The following PCDHGA7 variants were observed in gnomAD, a reference collection of about 807,000 sequenced individuals.
PCDHGA7 encodes protocadherin gamma subfamily A, 7, also known as protocadherin gamma-A7.
Under a neutral mutation model 58.3 loss-of-function variants are expected in PCDHGA7, and 44 were observed. The ratio of observed to expected loss-of-function variants is 0.75; its 90% CI spans 0.59 to 0.97. PCDHGA7 has a LOEUF of 0.97. Among genes scored for constraint, PCDHGA7 ranks in the 50% least tolerant of loss-of-function variants. The pLI is 0.00. For synonymous variants in PCDHGA7, 516 were observed against 504.2 expected (o/e 1.02, Z -0.31); for missense variants, 1,266 against 1,188.7 (o/e 1.06, Z -0.96).
At position 141,493,188 on chromosome 5, in the gene PCDHGA7, C is replaced by T. The variant is rs1292810486; in HGVS notation, c.2425-1619C>T. Among the ~76,000 whole-genome samples the T allele has an allele frequency of 2.6e-5, 4 of 152,216 alleles. No individual in the cohort carries two copies. Among genetic ancestry groups the T allele is most frequent in the Non-Finnish European group, 4.4e-5 (3 of 68,046 alleles). ...ATTGAGAGAAACTTACTATATAACT[C>T]CTTTGAGAACCTCATCTCATTTGCT... On this transcript the variant is annotated intron_variant, in intron 1 of 3. Coordinates refer to ENST00000518325, the MANE Select transcript of PCDHGA7 (RefSeq NM_018920.4). The surrounding 1 kb of genome is among the most constrained non-coding windows in gnomAD (Gnocchi z 4.3).
chr5:141,431,225 C>A lies in PCDHGA7; in HGVS notation c.2424+45902C>A. On this transcript the variant is annotated intron_variant, in intron 1 of 3. Coordinates refer to ENST00000518325, the MANE Select transcript of PCDHGA7 (RefSeq NM_018920.4). The surrounding 1 kb of genome is among the most constrained non-coding windows in gnomAD (Gnocchi z 4.8). ...CACTGAGATGCGGTTCCCTCTACCC[C>A]ACGCCTGGGATCCGGATATCGGGAA... The A allele has an allele frequency of 1.2e-6, 2 of 1,614,118 alleles. No individual in the cohort carries two copies. The highest frequency in any genetic ancestry group is 1.7e-6 in the Non-Finnish European group (2 of 1,180,036).
At chr5:141,461,051 A>G (rs1238514064) in intron 1 of PCDHGA7, among the ~76,000 whole-genome samples, 1 of 151,734 alleles carries the variant, frequency 6.6e-6, no homozygotes, top group East Asian at 1.9e-4. Flanking sequence ...ATGGGGACTT[A>G]GGTTGGTTTC....
At chr5:141,450,549 C>T (rs1414500813) in intron 1 of PCDHGA7, among the ~76,000 whole-genome samples, 2 of 151,756 alleles carry the variant, frequency 1.3e-5, no homozygotes, top group Non-Finnish European at 2.9e-5. Context: ...TGCAGTGGCG[C>T]AGTCTCGGCT....
intron 1 of PCDHGA7, among the ~76,000 whole-genome samples, chr5:141,401,837 A>G (rs1302723544): frequency 6.6e-6 from 1 of 152,198 alleles, no homozygotes; most frequent in Non-Finnish European, 1.5e-5. Context: ...ATTTCTTATA[A>G]TACCACTTAC....
chr5:141,415,896 AC>A, intron 1 of PCDHGA7: 1 of 882,726 alleles, frequency 1.1e-6, no homozygotes, highest in East Asian at 3.3e-5. Flanking sequence ...AATTCCTAAG[AC>A]AGACTTCCAT....
At chr5:141,405,094 C>T (rs1289372327) in intron 1 of PCDHGA7, 4 of 1,613,840 alleles carry the variant, frequency 2.5e-6, no homozygotes, top group Non-Finnish European at 3.4e-6. Flanking sequence ...TGCTGGCCCT[C>T]AGGCTGAGGC....
rs888836155 is a variant in PCDHGA7, at chr5:141,512,011, A to C, written c.*838A>C. The C allele has an allele frequency of 1.3e-5, 2 of 152,946 alleles. No homozygotes were observed. The highest frequency in any genetic ancestry group is 6.5e-5 in the Admixed American group (1 of 15,300). The allele number at this position is 152,946 out of a possible 1,614,324, so 9.5% of individuals were successfully genotyped here. ...GGCATGGACAAAGCTTGACACATCA[A>C]GTTATCAAGGCCTTGGAGGAGGCTC... On this transcript the variant is annotated 3_prime_UTR_variant, in exon 4 of 4. Coordinates refer to ENST00000518325, the MANE Select transcript of PCDHGA7 (RefSeq NM_018920.4).
intron 1 of PCDHGA7, chr5:141,410,134 C>T: frequency 6.2e-7 from 1 of 1,612,766 alleles, no homozygotes; most frequent in East Asian, 2.2e-5. Flanking sequence ...GCCTGCTGGT[C>T]GCTGTGCGTG....
At chr5:141,457,736 T>G (rs1265562501) in intron 1 of PCDHGA7, among the ~76,000 whole-genome samples, 1 of 152,254 alleles carries the variant, frequency 6.6e-6, no homozygotes, top group African/African-American at 2.4e-5. Flanking sequence ...AGATTAGACT[T>G]TTAAAGCTGA....
At chr5:141,401,417 G>A (rs1404967672) in intron 1 of PCDHGA7, among the ~76,000 whole-genome samples, 1 of 152,136 alleles carries the variant, frequency 6.6e-6, no homozygotes, top group Non-Finnish European at 1.5e-5. Flanking sequence ...GAAAGAGAGA[G>A]ACTGATTCAC....
chr5:141,501,715 C>G lies in PCDHGA7; in HGVS notation c.2484-3678C>G, dbSNP rs139761188. On this transcript the variant is annotated intron_variant, in intron 2 of 3. Coordinates refer to ENST00000518325, the MANE Select transcript of PCDHGA7 (RefSeq NM_018920.4). ...AGGGTGATTCCGAGGATAAAAAAGA[C>G]AAATATATTACCCAGTCAGCTTAGA... 1.3e-3 allele frequency among the ~76,000 whole-genome samples: 192 copies of G among 152,192 alleles called. 1 individual carries two copies. The highest frequency in any genetic ancestry group is 4.5e-3 in the African/African-American group (185 of 41,512).
chr5:141,450,702 G>T (rs1466981422), intron 1 of PCDHGA7, among the ~76,000 whole-genome samples: 6 of 152,026 alleles, frequency 3.9e-5, no homozygotes, highest in South Asian at 2.1e-4. Flanking sequence ...GCCCAGGATG[G>T]TCTCCAACTC....
intron 1 of PCDHGA7, chr5:141,402,966 C>T (rs749578447): frequency 6.2e-7 from 1 of 1,606,060 alleles, no homozygotes; most frequent in Non-Finnish European, 8.5e-7. Flanking sequence ...GCAGCTCCAA[C>T]CAAATGCCAG....
intron 1 of PCDHGA7, chr5:141,423,483 A>G (rs767321755): frequency 1.9e-6 from 3 of 1,613,974 alleles, no homozygotes; most frequent in Middle Eastern, 3.3e-4. Flanking sequence ...CTTTCCTGCA[A>G]ACCTATTCCC....
chr5:141,388,698 G>T (rs752631718), intron 1 of PCDHGA7: 2 of 1,613,886 alleles, frequency 1.2e-6, no homozygotes, highest in Admixed American at 1.7e-5. Context: ...CCAGGATGAG[G>T]GTGTCAATGC....
chr5:141,383,806 A>C lies in PCDHGA7; in HGVS notation c.907A>C (p.Thr303Pro). Reference sequence around the variant, plus strand: ...GAACTCGCTTACAGGAGAAATATCAACTTTAGAAGGATTAGATTATGAAGA... The same window carrying C: ...GAACTCGCTTACAGGAGAAATATCACCTTTAGAAGGATTAGATTATGAAGA... ...HLNSLTGEIS[T>P]LEGLDYEETA... The change falls in exon 1 of 4, where the codon ACT becomes CCT. Residue 303 changes from threonine (T) to proline (P), a missense_variant. Thr to Pro is a conservative substitution (Grantham distance 38). Coordinates refer to ENST00000518325, the MANE Select transcript of PCDHGA7 (RefSeq NM_018920.4). The C allele has an allele frequency of 6.2e-7, 1 of 1,614,006 alleles. No homozygotes were observed. The highest frequency in any genetic ancestry group is 8.5e-7 in the Non-Finnish European group (1 of 1,179,886).
At position 141,431,897 on chromosome 5, in the gene PCDHGA7, G is replaced by C. The variant is rs1591112104; in HGVS notation, c.2424+46574G>C. 6.2e-7 allele frequency: 1 copy of C among 1,613,830 alleles called. No homozygotes were observed. The highest frequency in any genetic ancestry group is 8.5e-7 in the Non-Finnish European group (1 of 1,179,704). ...AAATGACCAAGATTCTGAGGAAAAC[G>C]GACAGGTGATCTGTTTCATCCAAGG... On this transcript the variant is annotated intron_variant, in intron 1 of 3. Coordinates refer to ENST00000518325, the MANE Select transcript of PCDHGA7 (RefSeq NM_018920.4). The surrounding 1 kb of genome is among the most constrained non-coding windows in gnomAD (Gnocchi z 4.8).
At position 141,476,458 on chromosome 5, in the gene PCDHGA7, C is replaced by A. The variant is rs368153419; in HGVS notation, c.2425-18349C>A. Reference sequence around the variant, plus strand: ...TAACTCTGGAGTTGGTAGTGGAGAACCCGCTGGAGCTGTTCAGCGTGGAAG... The same window carrying A: ...TAACTCTGGAGTTGGTAGTGGAGAAACCGCTGGAGCTGTTCAGCGTGGAAG... On this transcript the variant is annotated intron_variant, in intron 1 of 3. Transcript: ENST00000518325. This position sits in a 1 kb window ranked among gnomAD's most constrained non-coding sequence, Gnocchi z 7.6. 1 of 1,613,928 alleles carries A rather than the reference C, an allele frequency of 6.2e-7. No individual in the cohort carries two copies. Among genetic ancestry groups the A allele is most frequent in the Non-Finnish European group, 8.5e-7 (1 of 1,180,022 alleles).
intron 1 of PCDHGA7, among the ~76,000 whole-genome samples, chr5:141,443,479 C>G (rs1285767691): frequency 6.6e-6 from 1 of 152,144 alleles, no homozygotes; most frequent in African/African-American, 2.4e-5. Context: ...GAATTAGACC[C>G]TGTCCCAAAA....
Sources: allele counts gnomAD v4.1 joint callset (sites outside exome capture counted in the v4.1 genomes callset), GRCh38; gene constraint gnomAD v4.1.1; non-coding constraint Gnocchi (gnomAD v3.1); transcripts MANE v1.5; gene names NCBI Gene and HGNC (gene_info 2026-07-23, HGNC 2026-07-21).